RIN3: variants seen among roughly 807,000 people sequenced by gnomAD.
RIN3 encodes the protein Ras and Rab interactor 3.
A neutral mutation model predicts 76.3 loss-of-function variants in RIN3; 54 were observed. The ratio of observed to expected loss-of-function variants is 0.71; its 90% CI spans 0.57 to 0.89. The LOEUF (loss-of-function observed/expected upper bound fraction) is 0.89, where lower values mean the gene tolerates loss of function less well. Among genes scored for constraint, RIN3 ranks in the 40% least tolerant of loss-of-function variants. The pLI, the probability that RIN3 is intolerant of heterozygous loss-of-function variation, is 0.00. For synonymous variants in RIN3, 576 were observed against 564.0 expected (o/e 1.02, Z -0.30); for missense variants, 1,256 against 1,322.1 (o/e 0.95, Z 0.78).
rs1236147038 is a variant in RIN3 at position 92,681,877 on chromosome 14, CTTAT to C, written c.2468-3103_2468-3100del. On this transcript the variant is annotated intron_variant, in intron 8 of 9. Coordinates refer to ENST00000216487, the MANE Select transcript of RIN3 (RefSeq NM_024832.5). The surrounding 1 kb of genome is among the most constrained non-coding windows in gnomAD (Gnocchi z 4.7). ...AATTTAGTTTTTTCAAAAAATGTCT[CTTAT>C]TTATTTTTATTTTTTTTTAATTTGA... 2.0e-5 allele frequency among the ~76,000 whole-genome samples: 3 copies of C among 152,050 alleles called. No individual in the cohort carries two copies. Among genetic ancestry groups the C allele is most frequent in the Admixed American group, 6.6e-5 (1 of 15,258 alleles).
intron 4 of RIN3, among the ~76,000 whole-genome samples, chr14:92,631,232 T>C (rs1354636042): frequency 1.3e-5 from 2 of 152,162 alleles, no homozygotes; most frequent in African/African-American, 4.8e-5. Context: ...CCCGGGGGGC[T>C]GGGCTGGGAG....
At chr14:92,668,519 CTT>C (rs144671337) in intron 7 of RIN3, among the ~76,000 whole-genome samples, 1,912 of 152,284 alleles carry the variant, frequency 0.013, 38 homozygotes, top group African/African-American at 0.044. Context: ...AGAACTGAGA[CTT>C]AACCAGCATC....
chr14:92,657,358 C>G (rs758514763), intron 6 of RIN3, among the ~76,000 whole-genome samples: 1 of 98,642 alleles, frequency 1.0e-5, no homozygotes, highest in Non-Finnish European at 2.1e-5. Context: ...AAGATTCTGT[C>G]TCAAAAAACA....
intron 4 of RIN3, among the ~76,000 whole-genome samples, chr14:92,636,239 A>G (rs1399011253): frequency 6.6e-6 from 1 of 151,914 alleles, no homozygotes; most frequent in Non-Finnish European, 1.5e-5. Flanking sequence ...AAAGAAAGAG[A>G]GAGGGAGGGA....
At chr14:92,633,629 T>A (rs1443034249) in intron 4 of RIN3, among the ~76,000 whole-genome samples, 3 of 152,204 alleles carry the variant, frequency 2.0e-5, no homozygotes, top group African/African-American at 4.8e-5. Flanking sequence ...TAACTCTACA[T>A]CCAGGTAATT....
At chr14:92,583,892 T>C (rs373715257) in intron 3 of RIN3, among the ~76,000 whole-genome samples, 24 of 152,278 alleles carry the variant, frequency 1.6e-4, no homozygotes, top group African/African-American at 5.8e-4. Context: ...CCGGGATCCC[T>C]TCCATGCACA....
At chr14:92,589,811 G>A (rs148052956) in intron 3 of RIN3, among the ~76,000 whole-genome samples, 82 of 152,292 alleles carry the variant, frequency 5.4e-4, no homozygotes, top group Non-Finnish European at 9.7e-4. Flanking sequence ...GCTTCTGTCC[G>A]GTCTGGCATG....
intron 7 of RIN3, among the ~76,000 whole-genome samples, chr14:92,663,998 TGAATGA>T (rs1378339404): frequency 6.6e-6 from 1 of 152,166 alleles, no homozygotes; most frequent in Non-Finnish European, 1.5e-5. Context: ...TCAAAGTTTA[TGAATGA>T]GCGTCTAGAT....
intron 3 of RIN3, among the ~76,000 whole-genome samples, chr14:92,590,538 C>A (rs939254086): frequency 3.3e-5 from 5 of 152,174 alleles, no homozygotes; most frequent in African/African-American, 1.2e-4. Flanking sequence ...GAAAGCTCCC[C>A]AAGGTTTCAC....
At chr14:92,616,283 C>T (rs1449131734) in intron 4 of RIN3, among the ~76,000 whole-genome samples, 3 of 152,196 alleles carry the variant, frequency 2.0e-5, no homozygotes, top group East Asian at 1.9e-4. Flanking sequence ...ACACTCCACA[C>T]GGTGGGAGCG....
At chr14:92,517,302 G>T (rs557461497) in intron 1 of RIN3, among the ~76,000 whole-genome samples, 27 of 152,290 alleles carry the variant, frequency 1.8e-4, no homozygotes, top group African/African-American at 5.8e-4. Context: ...TTTACAAAGC[G>T]ACTGTTATCA....
At chr14:92,665,040 G>A (rs1013716410) in intron 7 of RIN3, among the ~76,000 whole-genome samples, 2 of 152,156 alleles carry the variant, frequency 1.3e-5, no homozygotes, top group African/African-American at 2.4e-5. Flanking sequence ...AGAATCTGAG[G>A]AGTGCGTCAT....
intron 9 of RIN3, 63 bp from the exon 10 acceptor site, chr14:92,687,863 C>T (rs2140182165): frequency 1.4e-6 from 2 of 1,404,194 alleles, no homozygotes; most frequent in African/African-American, 1.5e-5. Flanking sequence ...GGGCCTGGGC[C>T]GGGAGAGGGC....
At chr14:92,667,781 G>A (rs559801497) in intron 7 of RIN3, among the ~76,000 whole-genome samples, 1 of 152,166 alleles carries the variant, frequency 6.6e-6, no homozygotes, top group Non-Finnish European at 1.5e-5. Context: ...GTTTGGAGGT[G>A]GAGGGCCATG....
intron 5 of RIN3, among the ~76,000 whole-genome samples, chr14:92,651,166 A>G (rs1202304718): frequency 6.6e-6 from 1 of 152,116 alleles, no homozygotes; most frequent in Non-Finnish European, 1.5e-5. Context: ...CACCTGCCCC[A>G]GAGCACCCAG....
chr14:92,562,457 T>A (rs1189026673), intron 2 of RIN3, among the ~76,000 whole-genome samples: 1 of 152,248 alleles, frequency 6.6e-6, no homozygotes, highest in Non-Finnish European at 1.5e-5. Flanking sequence ...TAATAAATTA[T>A]TTGGAATTTG....
chr14:92,515,401 A>G (rs1388812002), intron 1 of RIN3: 3 of 578,028 alleles, frequency 5.2e-6, no homozygotes, highest in Non-Finnish European at 9.2e-6. Flanking sequence ...TTCCCCAGAG[A>G]TGACCTAGTG....
rs115870868 is a variant in RIN3, at chr14:92,664,180, C to T, written c.2335+4711C>T. Among the ~76,000 whole-genome samples the T allele has an allele frequency of 5.0e-3, 755 of 152,212 alleles. 6 individuals carry two copies. The highest frequency in any genetic ancestry group is 0.018 in the African/African-American group (731 of 41,510). Reference sequence around the variant, plus strand: ...CCACCCCAGACAACGCTGCTTGTACCTGTTTTACACATGGGGTTCTGCATG... The same window carrying T: ...CCACCCCAGACAACGCTGCTTGTACTTGTTTTACACATGGGGTTCTGCATG... On this transcript the variant is annotated intron_variant, in intron 7 of 9. Coordinates refer to ENST00000216487, the MANE Select transcript of RIN3 (RefSeq NM_024832.5).
intron 4 of RIN3, among the ~76,000 whole-genome samples, chr14:92,618,782 A>T (rs1032588103): frequency 6.6e-6 from 1 of 152,226 alleles, no homozygotes; most frequent in African/African-American, 2.4e-5. Flanking sequence ...TTTGTAAGCC[A>T]CTACATCAAT....
Sources: allele counts gnomAD v4.1 joint callset (sites outside exome capture counted in the v4.1 genomes callset), GRCh38; gene constraint gnomAD v4.1.1; non-coding constraint Gnocchi (gnomAD v3.1); transcripts MANE v1.5; gene names NCBI Gene and HGNC (gene_info 2026-07-23, HGNC 2026-07-21).